Variants in TPP2 observed in about 807,000 individuals in gnomAD.
TPP2 encodes the protein tripeptidyl peptidase 2.
TPP2 carries 34 observed loss-of-function variants against 155.9 expected under a neutral mutation model. The observed-to-expected ratio is 0.22, with a 90% CI of 0.17 to 0.29. The LOEUF (loss-of-function observed/expected upper bound fraction) is 0.29, where lower values mean the gene tolerates loss of function less well. TPP2 is among the 10% of genes least tolerant of loss of function. The pLI is 1.00. For synonymous variants in TPP2, 510 were observed against 529.4 expected (o/e 0.96, Z 0.50); for missense variants, 1,028 against 1,522.3 (o/e 0.68, Z 5.40).
intron 2 of TPP2, among the ~76,000 whole-genome samples, chr13:102,610,470 T>C (rs1233423945): frequency 6.6e-6 from 1 of 152,184 alleles, no homozygotes; most frequent in African/African-American, 2.4e-5. Flanking sequence ...CATCAGGTGA[T>C]CCACCCACTT....
At chr13:102,648,707 G>A (rs999940151) in intron 21 of TPP2, among the ~76,000 whole-genome samples, 200 bp from the exon 22 acceptor site, 1 of 152,034 alleles carries the variant, frequency 6.6e-6, no homozygotes, top group Non-Finnish European at 1.5e-5. Flanking sequence ...CAAGTCACTT[G>A]ATGTCCCTGA....
At chr13:102,613,099 G>A (rs1382362599) in intron 2 of TPP2, among the ~76,000 whole-genome samples, 3 of 152,230 alleles carry the variant, frequency 2.0e-5, no homozygotes, top group Non-Finnish European at 4.4e-5. Context: ...AGTGAAAAGT[G>A]CTAGCTTGTA....
At chr13:102,618,218 A>C (rs1880896173) in intron 4 of TPP2, among the ~76,000 whole-genome samples, 1 of 152,168 alleles carries the variant, frequency 6.6e-6, no homozygotes, top group South Asian at 2.1e-4. Context: ...TACCCCCATT[A>C]AATGCTTCTA....
At chr13:102,599,539 T>C (rs1411306639) in intron 1 of TPP2, among the ~76,000 whole-genome samples, 1 of 152,212 alleles carries the variant, frequency 6.6e-6, no homozygotes, top group Non-Finnish European at 1.5e-5. Context: ...GGGTGGGGTC[T>C]GAATAAAGGA....
chr13:102,647,781 C>T (rs1434722600), intron 21 of TPP2, among the ~76,000 whole-genome samples: 2 of 152,284 alleles, frequency 1.3e-5, no homozygotes, highest in East Asian at 3.9e-4. Context: ...AAATTTACTA[C>T]CTCGTTGGAC....
intron 1 of TPP2, among the ~76,000 whole-genome samples, chr13:102,603,649 C>T (rs921513743): frequency 2.0e-5 from 3 of 152,126 alleles, no homozygotes; most frequent in Admixed American, 1.3e-4. Flanking sequence ...GCTTTTTATG[C>T]GAGTATTCTG....
At chr13:102,598,535 G>A (rs1210322284) in intron 1 of TPP2, among the ~76,000 whole-genome samples, 1 of 152,162 alleles carries the variant, frequency 6.6e-6, no homozygotes, top group Non-Finnish European at 1.5e-5. Flanking sequence ...GAGTTATATA[G>A]TTGTCGTTGT....
chr13:102,668,747 A>G (rs1031622485), intron 27 of TPP2, among the ~76,000 whole-genome samples: 1 of 152,202 alleles, frequency 6.6e-6, no homozygotes, highest in Admixed American at 6.5e-5. Context: ...AAGAAGGGTT[A>G]ATACCCAAAA....
intron 29 of TPP2, 46 bp from the exon 30 acceptor site, chr13:102,678,181 A>G (rs1885410453): frequency 1.3e-6 from 2 of 1,544,472 alleles, no homozygotes; most frequent in Non-Finnish European, 1.8e-6. Context: ...GAGCTTAAAA[A>G]TCTGTCACTT....
At chr13:102,605,745 A>T (rs1879777681) in intron 2 of TPP2, among the ~76,000 whole-genome samples, 1 of 144,574 alleles carries the variant, frequency 6.9e-6, no homozygotes, top group South Asian at 2.1e-4. Flanking sequence ...TTTTCGAGAC[A>T]TAGAGTCTTG....
chr13:102,645,097 T>A (rs1336471412), intron 19 of TPP2, 88 bp downstream of exon 19: 12 of 977,058 alleles, frequency 1.2e-5, no homozygotes, highest in African/African-American at 3.5e-5. Flanking sequence ...TTTTTTTTTT[T>A]AATCCACCTG....
chr13:102,663,098 T>C (rs897358360), intron 25 of TPP2, among the ~76,000 whole-genome samples: 3 of 148,716 alleles, frequency 2.0e-5, no homozygotes, highest in East Asian at 1.9e-4. Context: ...GAACTCTTAA[T>C]TGGAATAATT....
intron 5 of TPP2, among the ~76,000 whole-genome samples, chr13:102,622,662 C>T (rs760434443): frequency 1.4e-4 from 22 of 152,096 alleles, no homozygotes; most frequent in Non-Finnish European, 2.8e-4. Context: ...ATTTTTAAAG[C>T]ACTTTGTGCA....
At chr13:102,641,159 C>T (rs749653908) in intron 16 of TPP2, among the ~76,000 whole-genome samples, 12 of 152,188 alleles carry the variant, frequency 7.9e-5, no homozygotes, top group Non-Finnish European at 1.2e-4. Context: ...TGTGAGAGTG[C>T]TCATGTCATT....
At position 102,623,014 on chromosome 13, in the gene TPP2, A is replaced by G; in HGVS notation, c.758A>G (p.Asn253Ser). 1 of 1,613,600 alleles carries G rather than the reference A, an allele frequency of 6.2e-7. No individual in the cohort carries two copies. The highest frequency in any genetic ancestry group is 1.1e-5 in the South Asian group (1 of 90,904). Residue 253 changes from asparagine to serine, a missense_variant, in exon 6 of 30, where the codon AAC (asparagine) becomes AGC (serine). Asn to Ser is a conservative substitution (Grantham distance 46). Coordinates refer to ENST00000376052, the MANE Select transcript of TPP2 (RefSeq NM_001330588.2). ...NYSVNIYDDG[N>S]LLSIVTSGGA... is the part of the protein sequence containing the mutation. ...TCCGTTAATATATACGATGATGGAA[A>G]CCTGCTCTCCATTGTGACCAGTGGA...
intron 1 of TPP2, 112 bp downstream of exon 1, chr13:102,597,315 G>GGCCGGGGTGGGCAGC: frequency 1.7e-6 from 1 of 599,320 alleles, no homozygotes. Context: ...GCCGAGTCCG[G>GGCCGGGGTGGGCAGC]GCCGGGGTGG....
intron 15 of TPP2, among the ~76,000 whole-genome samples, chr13:102,639,997 A>G (rs1156606201): frequency 2.0e-5 from 3 of 152,238 alleles, no homozygotes; most frequent in African/African-American, 7.2e-5. Flanking sequence ...CTTTAACAAA[A>G]AAGAGAATGC....
chr13:102,610,134 A>G (rs1027680536), intron 2 of TPP2, among the ~76,000 whole-genome samples: 1 of 152,238 alleles, frequency 6.6e-6, no homozygotes. Context: ...GACTAGTTGC[A>G]TCTCTGCAAC....
At position 102,597,131 on chromosome 13, in the gene TPP2, G is replaced by A; in HGVS notation, c.93G>A (p.Pro31=). The part of the protein sequence containing the change: ...TGAASFLCRY[P]EYDGRGVLIA... The stretch of plus-strand genomic sequence containing the variant: ...CCGCCTCCTTCCTCTGCCGCTACCC[G>A]GAGTATGATGGGCGGGGGGTGCTCA... Residue 31 remains proline, a synonymous_variant, in exon 1 of 30, where the codon CCG becomes CCA. Transcript: ENST00000376052. The A allele has an allele frequency of 6.2e-7, 1 of 1,610,270 alleles. No homozygotes were observed. The highest frequency in any genetic ancestry group is 8.5e-7 in the Non-Finnish European group (1 of 1,178,906).
Sources: allele counts gnomAD v4.1 joint callset (sites outside exome capture counted in the v4.1 genomes callset), GRCh38; gene constraint gnomAD v4.1.1; transcripts MANE v1.5; gene names NCBI Gene and HGNC (gene_info 2026-07-23, HGNC 2026-07-21).